RMDN2: variants seen among roughly 807,000 people sequenced by gnomAD.
RMDN2 encodes the protein regulator of microtubule dynamics protein 2.
In RMDN2, 61 loss-of-function variants were observed where a neutral mutation model predicts 52.8. The ratio of observed to expected loss-of-function variants is 1.16; its 90% CI spans 0.94 to 1.43. RMDN2 has a LOEUF of 1.43. RMDN2 is among the 40% of genes most tolerant of loss of function. The pLI is 0.00. For missense variants in RMDN2, 592 were observed against 475.3 expected, an observed-to-expected ratio of 1.25 and a Z score of -2.28; for synonymous variants, 180 against 153.1, an observed-to-expected ratio of 1.18 and a Z score of -1.30.
intron 10 of RMDN2, among the ~76,000 whole-genome samples, chr2:38,038,639 C>T (rs1012620527): frequency 6.6e-6 from 1 of 152,218 alleles, no homozygotes; most frequent in Non-Finnish European, 1.5e-5. Flanking sequence ...CATCATCAAC[C>T]TCTATTCACA....
chr2:37,964,886 T>A (rs746126373), intron 2 of RMDN2, among the ~76,000 whole-genome samples: 28 of 152,210 alleles, frequency 1.8e-4, no homozygotes, highest in Non-Finnish European at 3.4e-4. Context: ...TTTTTTCAAT[T>A]CTGTCAGTGT....
chr2:38,039,853 G>C (rs336030), intron 10 of RMDN2, among the ~76,000 whole-genome samples: 3 of 151,880 alleles, frequency 2.0e-5, no homozygotes, highest in African/African-American at 7.3e-5. Flanking sequence ...AAGCACAAAG[G>C]TACCCAGGAC....
chr2:37,940,913 C>G (rs1244166046), intron 2 of RMDN2, among the ~76,000 whole-genome samples: 2 of 152,198 alleles, frequency 1.3e-5, no homozygotes, highest in African/African-American at 4.8e-5. Flanking sequence ...AACTCATTCT[C>G]TGTCCAGTTT....
At chr2:38,055,040 A>G (rs1339840793) in intron 10 of RMDN2, among the ~76,000 whole-genome samples, 1 of 152,170 alleles carries the variant, frequency 6.6e-6, no homozygotes, top group Non-Finnish European at 1.5e-5. Context: ...AGAACAGTAT[A>G]TTATCAGTTT....
At chr2:37,953,645 C>T (rs775852212) in intron 2 of RMDN2, among the ~76,000 whole-genome samples, 2 of 152,038 alleles carry the variant, frequency 1.3e-5, no homozygotes, top group Admixed American at 1.3e-4. Context: ...AATGCACTGT[C>T]TATGAACACG....
intron 2 of RMDN2, among the ~76,000 whole-genome samples, chr2:37,932,510 C>G (rs1200955417): frequency 6.6e-6 from 1 of 150,964 alleles, no homozygotes; most frequent in Non-Finnish European, 1.5e-5. Context: ...CTTTTCCCCA[C>G]CTTTCCCCCC....
At chr2:37,964,549 C>T (rs1670778647) in intron 2 of RMDN2, among the ~76,000 whole-genome samples, 1 of 152,164 alleles carries the variant, frequency 6.6e-6, no homozygotes, top group South Asian at 2.1e-4. Context: ...AAATATGCTT[C>T]ATATAATTTC....
chr2:37,956,442 C>A (rs1256599346), intron 2 of RMDN2, among the ~76,000 whole-genome samples: 1 of 151,714 alleles, frequency 6.6e-6, no homozygotes, highest in Non-Finnish European at 1.5e-5. Flanking sequence ...TTTTGTAGTC[C>A]AGCTAAAGGT....
intron 3 of RMDN2, 160 bp from the exon 4 acceptor site, chr2:37,975,052 A>G: frequency 1.6e-6 from 1 of 623,980 alleles, no homozygotes; most frequent in South Asian, 1.8e-5. Context: ...GAGTATTTGG[A>G]TTAAAAATGT....
intron 10 of RMDN2, among the ~76,000 whole-genome samples, chr2:38,013,178 C>G (rs566918964): frequency 3.9e-5 from 6 of 152,180 alleles, no homozygotes; most frequent in Admixed American, 3.9e-4. Context: ...AGTGTGAGAA[C>G]GATTGCTGAA....
chr2:37,996,600 AG>A (rs1237393689), intron 7 of RMDN2, among the ~76,000 whole-genome samples: 2,858 of 52,772 alleles, frequency 0.054, 25 homozygotes, highest in Non-Finnish European at 0.063. Context: ...AAAAAAAAAA[AG>A]AAAAAAAAAA....
intron 2 of RMDN2, among the ~76,000 whole-genome samples, chr2:37,933,225 A>G (rs1312376946): frequency 6.6e-6 from 1 of 150,454 alleles, no homozygotes; most frequent in Middle Eastern, 3.2e-3. Flanking sequence ...GTGGCCGGGA[A>G]GAGGCGCTCC....
rs147498393 is a variant in RMDN2, at chr2:37,997,306, A to G, written c.946-110A>G. On this transcript the variant is annotated intron_variant, in intron 7 of 10. Transcript: ENST00000354545. The stretch of plus-strand genomic sequence containing the variant: ...GTTTTCATTTGTATATGTTATATCT[A>G]TACACACACACACGTATATACACAT... The G allele has an allele frequency of 1.5e-3, 1,106 of 721,634 alleles. 15 individuals are homozygous for G. In the East Asian group the frequency reaches 0.023, roughly 15 times the overall value. The allele number at this position is 721,634 out of a possible 1,614,324, so 44.7% of individuals were successfully genotyped here. A position where few individuals can be genotyped will look rare whatever the true frequency, so the allele number is the denominator to read the frequency against.
chr2:37,942,803 G>C (rs1265743122), intron 2 of RMDN2, among the ~76,000 whole-genome samples: 1 of 152,188 alleles, frequency 6.6e-6, no homozygotes, highest in Non-Finnish European at 1.5e-5. Context: ...GGCAGGCACT[G>C]TCTGAACTCT....
chr2:38,011,884 C>A (rs1237188645), intron 10 of RMDN2, among the ~76,000 whole-genome samples: 2 of 152,140 alleles, frequency 1.3e-5, no homozygotes, highest in African/African-American at 4.8e-5. Context: ...CAGATTGTAC[C>A]AGCCTCCCAG....
In RMDN2 at chr2:38,064,471, C is replaced by T. The variant is rs552914775; in HGVS notation, c.1714-2511C>T. Among the ~76,000 whole-genome samples the T allele has an allele frequency of 8.6e-5, 13 of 150,968 alleles. No homozygotes were observed. In the South Asian group the frequency reaches 2.3e-3, roughly 27 times the overall value. Reference sequence around the variant, plus strand: ...TACCATGGCACTCCAGCCTGGGTGACAGAGCGAGACTCCATCTCAAAAAAA... The same window carrying T: ...TACCATGGCACTCCAGCCTGGGTGATAGAGCGAGACTCCATCTCAAAAAAA... On this transcript the variant is annotated intron_variant, in intron 10 of 10. Transcript: ENST00000234195.
In RMDN2 at chr2:37,931,415, C is replaced by A. The variant is rs763570911; in HGVS notation, c.452+1686C>A. Among the ~76,000 whole-genome samples the A allele has an allele frequency of 4.6e-5, 7 of 152,294 alleles. No individual in the cohort carries two copies. The South Asian group carries it at 6.2e-4, about 14-fold the overall frequency. ...ACCTGTATGTAAATCTGTGGTATTT[C>A]TTCATCGTGTGTCCTGTGTGCAGTT... is the stretch of plus-strand genomic sequence containing the variant. On this transcript the variant is annotated intron_variant, in intron 2 of 10. Coordinates refer to ENST00000354545, the MANE Select transcript of RMDN2 (RefSeq NM_001170791.3).
Position 37,934,859 on chromosome 2 carries a change from A to G in RMDN2, c.452+5130A>G, listed in dbSNP as rs72887110. The stretch of plus-strand genomic sequence containing the variant: ...TGTCATATTTGACTTACGTTGCTCT[A>G]TCACTCTATGGGTCTAAAACTATTA... On this transcript the variant is annotated intron_variant, in intron 2 of 10. Coordinates refer to ENST00000354545, the MANE Select transcript of RMDN2 (RefSeq NM_001170791.3). Among the ~76,000 whole-genome samples, 490 of 152,200 alleles carry G rather than the reference A, an allele frequency of 3.2e-3. 3 individuals carry two copies. Among genetic ancestry groups the G allele is most frequent in the African/African-American group, 0.011 (452 of 41,466 alleles).
In RMDN2 at chr2:37,975,181, T is replaced by C. The variant is rs574853205; in HGVS notation, c.628-31T>C. On this transcript the variant is annotated intron_variant, in intron 3 of 10. Coordinates refer to ENST00000354545, the MANE Select transcript of RMDN2 (RefSeq NM_001170791.3). Reference sequence around the variant, plus strand: ...TAGAATAGACAAGTTACCAAGTTAATTTAACAGGCAACTCCATCTTTTCTT... The same window carrying C: ...TAGAATAGACAAGTTACCAAGTTAACTTAACAGGCAACTCCATCTTTTCTT... The C allele has an allele frequency of 2.0e-5, 26 of 1,307,926 alleles. No individual in the cohort carries two copies. In the South Asian group the frequency reaches 2.6e-4, roughly 13 times the overall value. The allele number at this position is 1,307,926 out of a possible 1,614,324, so 81.0% of individuals were successfully genotyped here.
Sources: gnomAD v4.1 joint callset for allele counts (sites outside exome capture counted in the v4.1 genomes callset) on GRCh38, gnomAD v4.1.1 for gene constraint, MANE v1.5 for transcripts, NCBI Gene and HGNC (gene_info 2026-07-23, HGNC 2026-07-21) for gene names.